BLACAT1: variants seen among roughly 807,000 people sequenced by gnomAD.
The protein encoded by BLACAT1 is BLACAT1 overlapping LEMD1 locus.
intron 1 of BLACAT1, among the ~76,000 whole-genome samples, chr1:205,454,559 A>G (rs1226173139): frequency 6.6e-6 from 1 of 151,722 alleles, no homozygotes; most frequent in African/African-American, 2.4e-5. Flanking sequence ...TGAGAGAGAG[A>G]GAGAGAGATC....
chr1:205,453,012 G>A (rs917532808), intron 1 of BLACAT1, among the ~76,000 whole-genome samples: 4 of 152,140 alleles, frequency 2.6e-5, no homozygotes, highest in African/African-American at 9.7e-5. Flanking sequence ...AGGGAAGAGA[G>A]TCCCTGGGCT....
At chr1:205,445,848 AAG>A (rs1666380425) in intron 1 of BLACAT1, among the ~76,000 whole-genome samples, 1 of 152,166 alleles carries the variant, frequency 6.6e-6, no homozygotes, top group African/African-American at 2.4e-5. Context: ...AAACTTTCGA[AAG>A]ATGGGGAGAG....
chr1:205,448,659 C>A lies in BLACAT1; in HGVS notation c.-37+7258G>T, dbSNP rs1666444766. Among the ~76,000 whole-genome samples the A allele has an allele frequency of 6.6e-6, 1 of 152,170 alleles. No homozygotes were observed. The highest frequency in any genetic ancestry group is 1.5e-5 in the Non-Finnish European group (1 of 68,028). ...GGTATGAGGAGGGGTGGCTTCCTGG[C>A]CATAAAGGACCTCCTCAAATTCCCT... is the stretch of plus-strand genomic sequence containing the variant. On this transcript the variant is annotated intron_variant, in intron 1 of 1. Transcript: ENST00000629624. This position sits in a 1 kb window ranked among gnomAD's most constrained non-coding sequence, Gnocchi z 4.7.
At position 205,448,512 on chromosome 1, in the gene BLACAT1, C is replaced by T. The variant is rs1437064509; in HGVS notation, c.-37+7405G>A. The T allele has an allele frequency of 1.2e-5, 5 of 410,558 alleles. No homozygotes were observed. In the Admixed American group the frequency reaches 1.3e-4, roughly 11 times the overall value. The allele number at this position is 410,558 out of a possible 1,614,324, so 25.4% of individuals were successfully genotyped here. A position where few individuals can be genotyped will look rare whatever the true frequency, so the allele number is the denominator to read the frequency against. ...CAGACCCACCCACACTGCCTCCCTC[C>T]AGGACTGGGCCCCCCAGGTTAAATT... is the stretch of plus-strand genomic sequence containing the variant. On this transcript the variant is annotated intron_variant, in intron 1 of 1. Transcript: ENST00000629624. This position sits in a 1 kb window ranked among gnomAD's most constrained non-coding sequence, Gnocchi z 4.7.
At chr1:205,439,083 C>T (rs1055338230), downstream of BLACAT1, among the ~76,000 whole-genome samples, 5 of 152,168 alleles carry the variant, frequency 3.3e-5, no homozygotes, top group East Asian at 3.9e-4. Context: ...CGCAGGTGAC[C>T]GCTAGGGAAA....
rs1230583287 is a variant in BLACAT1 at position 205,441,749 on chromosome 1, T to C, written c.-36-687A>G. Among the ~76,000 whole-genome samples the C allele has an allele frequency of 1.3e-5, 2 of 152,196 alleles. No homozygotes were observed. Among genetic ancestry groups the C allele is most frequent in the Non-Finnish European group, 2.9e-5 (2 of 68,036 alleles). On this transcript the variant is annotated intron_variant, in intron 1 of 1. Transcript: ENST00000629624. This position sits in a 1 kb window ranked among gnomAD's most constrained non-coding sequence, Gnocchi z 4.3. ...AACAGGCTCTTTTATTTAGCACCTA[T>C]GCTGGGCAAAGGGTTGAGAGGTAGA...
chr1:205,437,048 G>A (rs951515443), downstream of BLACAT1: 1 of 152,668 alleles, frequency 6.6e-6, no homozygotes, highest in Non-Finnish European at 1.5e-5. Flanking sequence ...TCTCCATCCA[G>A]AAACAATCAC....
rs1482800182 is a variant in BLACAT1 at position 205,441,580 on chromosome 1, C to T, written c.-36-518G>A. On this transcript the variant is annotated intron_variant, in intron 1 of 1. Transcript: ENST00000629624. The surrounding 1 kb of genome is among the most constrained non-coding windows in gnomAD (Gnocchi z 4.3). Reference sequence around the variant, plus strand: ...TGACACCTGGGACCGAGTCAGATTCCTCCCTTCCTTAACAACCCCAAGTTG... The same window carrying T: ...TGACACCTGGGACCGAGTCAGATTCTTCCCTTCCTTAACAACCCCAAGTTG... Among the ~76,000 whole-genome samples the T allele has an allele frequency of 6.6e-6, 1 of 152,148 alleles. No individual in the cohort carries two copies. The highest frequency in any genetic ancestry group is 2.4e-5 in the African/African-American group (1 of 41,440).
In BLACAT1 at chr1:205,448,548, C is replaced by G. The variant is rs1004721776; in HGVS notation, c.-37+7369G>C. 2.7e-6 allele frequency: 1 copy of G among 366,760 alleles called. No homozygotes were observed. The highest frequency in any genetic ancestry group is 5.4e-6 in the Non-Finnish European group (1 of 185,416). 22.7% of individuals were successfully genotyped at this position (366,760 alleles called of 1,614,324 possible). A position where few individuals can be genotyped will look rare whatever the true frequency, so the allele number is the denominator to read the frequency against. ...CCCCCAGGTTAAATTCTCTCACCAT[C>G]TTCCACCACCTGCACTAAAGCCATC... On this transcript the variant is annotated intron_variant, in intron 1 of 1. Coordinates refer to ENST00000629624, the Ensembl canonical transcript of BLACAT1. The surrounding 1 kb of genome is among the most constrained non-coding windows in gnomAD (Gnocchi z 4.7).
chr1:205,454,994 G>T (rs1266266331), intron 1 of BLACAT1, among the ~76,000 whole-genome samples: 1 of 152,190 alleles, frequency 6.6e-6, no homozygotes, highest in Non-Finnish European at 1.5e-5. Context: ...CGGAAGGGAG[G>T]GCTCTCCCTT....
At chr1:205,445,862 G>T (rs1666380652) in intron 1 of BLACAT1, among the ~76,000 whole-genome samples, 4 of 152,212 alleles carry the variant, frequency 2.6e-5, no homozygotes. Flanking sequence ...TGGGGAGAGA[G>T]ACTTTTTTTC....
chr1:205,446,860 C>T (rs2102473658), intron 1 of BLACAT1, among the ~76,000 whole-genome samples: 1 of 152,334 alleles, frequency 6.6e-6, no homozygotes, highest in South Asian at 2.1e-4. Context: ...GGGGAAGTAG[C>T]CTGGATCAGC....
At chr1:205,443,656 G>T (rs1427597834) in intron 1 of BLACAT1, among the ~76,000 whole-genome samples, 1 of 152,142 alleles carries the variant, frequency 6.6e-6, no homozygotes, top group East Asian at 1.9e-4. Flanking sequence ...TCAGATCTTT[G>T]CTCTAAAGTG....
chr1:205,438,091 C>A (rs1287366933), downstream of BLACAT1, among the ~76,000 whole-genome samples: 1 of 152,202 alleles, frequency 6.6e-6, no homozygotes, highest in Non-Finnish European at 1.5e-5. Flanking sequence ...CTAGGCAACA[C>A]TCAAGTCACA....
At chr1:205,442,779 C>A (rs1393456634) in intron 1 of BLACAT1, among the ~76,000 whole-genome samples, 3 of 152,174 alleles carry the variant, frequency 2.0e-5, no homozygotes, top group Non-Finnish European at 4.4e-5. Flanking sequence ...AGCCAAGACA[C>A]AACTACTATA....
intron 1 of BLACAT1, among the ~76,000 whole-genome samples, chr1:205,444,351 C>T (rs74141214): frequency 0.14 from 21,460 of 151,892 alleles, 2,220 homozygotes; most frequent in African/African-American, 0.29. Context: ...AGATGGTTTA[C>T]GGTCTGGGGG....
At chr1:205,452,658 T>C (rs926402044) in intron 1 of BLACAT1, among the ~76,000 whole-genome samples, 1 of 152,214 alleles carries the variant, frequency 6.6e-6, no homozygotes, top group Admixed American at 6.5e-5. Context: ...TGAGTCTACG[T>C]TGGAGCTTAC....
chr1:205,454,774 C>T (rs537535761), intron 1 of BLACAT1, among the ~76,000 whole-genome samples: 2 of 152,196 alleles, frequency 1.3e-5, no homozygotes, highest in South Asian at 2.1e-4. Context: ...GGTTCCCATC[C>T]CAGCCTCAAA....
chr1:205,447,682 G>C (rs1044488389), intron 1 of BLACAT1, among the ~76,000 whole-genome samples: 1 of 151,972 alleles, frequency 6.6e-6, no homozygotes, highest in Non-Finnish European at 1.5e-5. Flanking sequence ...TTCACACACC[G>C]CAGGAGGGGG....
Sources: allele counts gnomAD v4.1 joint callset (sites outside exome capture counted in the v4.1 genomes callset), GRCh38; gene constraint gnomAD v4.1.1; non-coding constraint Gnocchi (gnomAD v3.1); transcripts MANE v1.5; gene names NCBI Gene and HGNC (gene_info 2026-07-23, HGNC 2026-07-21).